The following HIVEP3 variants were observed in gnomAD, a reference collection of about 807,000 sequenced individuals.
HIVEP3 encodes the protein transcription factor HIVEP3.
In HIVEP3, 49 loss-of-function variants were observed where a neutral mutation model predicts 152.8. The ratio of observed to expected loss-of-function variants is 0.32; its 90% CI spans 0.26 to 0.41. The LOEUF is 0.41. Ranked by LOEUF, HIVEP3 falls within the 10% of genes least tolerant of loss-of-function variation. The probability of loss-of-function intolerance (pLI) is 1.00; values close to 1 mark genes in which losing one functional copy is unlikely to be tolerated. For missense variants in HIVEP3, 2,790 were observed against 3,103.3 expected, an observed-to-expected ratio of 0.90 and a Z score of 2.40; for synonymous variants, 1,269 against 1,289.0, an observed-to-expected ratio of 0.98 and a Z score of 0.33.
rs562258289 is a variant in HIVEP3 at position 41,789,079 on chromosome 1, C to T, written c.-800-88084G>A. Among the ~76,000 whole-genome samples, 8 of 152,328 alleles carry T rather than the reference C, an allele frequency of 5.3e-5. No individual in the cohort carries two copies. The South Asian group carries it at 8.3e-4, about 16-fold the overall frequency. ...TGCTCCTCACAGCAGCTGCAGGCAC[C>T]CTCCTTGGACACCGCTGTCTTCCCT... On this transcript the variant is annotated intron_variant, in intron 1 of 8. Transcript: ENST00000372583.
intron 1 of HIVEP3, among the ~76,000 whole-genome samples, chr1:41,706,435 C>T (rs374022251): frequency 1.3e-5 from 2 of 152,186 alleles, no homozygotes; most frequent in African/African-American, 2.4e-5. Context: ...GTGTGCACCA[C>T]CACACCTCGC....
intron 7 of HIVEP3, among the ~76,000 whole-genome samples, chr1:41,517,908 A>G (rs1407109949): frequency 6.6e-6 from 1 of 152,192 alleles, no homozygotes; most frequent in Non-Finnish European, 1.5e-5. Flanking sequence ...CAAAAGGCCC[A>G]TGTGTCAGGC....
At chr1:41,655,565 A>C (rs926347644) in intron 2 of HIVEP3, among the ~76,000 whole-genome samples, 1 of 137,132 alleles carries the variant, frequency 7.3e-6, no homozygotes, top group Non-Finnish European at 1.5e-5. Flanking sequence ...CCTGAGTGAC[A>C]GAGTGACACT....
chr1:41,658,986 G>C (rs989913121), intron 2 of HIVEP3, among the ~76,000 whole-genome samples: 8 of 152,124 alleles, frequency 5.3e-5, no homozygotes, highest in Admixed American at 2.0e-4. Context: ...AGATCTAGAG[G>C]GCAGCCCCGC....
intron 1 of HIVEP3, among the ~76,000 whole-genome samples, chr1:41,938,677 A>G (rs1645031722): frequency 6.6e-6 from 1 of 152,238 alleles, no homozygotes; most frequent in Non-Finnish European, 1.5e-5. Flanking sequence ...CAAATGATGA[A>G]GCCTGCAGTT....
At chr1:42,009,026 C>G (rs1047056243) in intron 1 of HIVEP3, among the ~76,000 whole-genome samples, 3 of 152,146 alleles carry the variant, frequency 2.0e-5, no homozygotes, top group African/African-American at 7.2e-5. Flanking sequence ...AGCCTGAGCA[C>G]AAAGCCAACA....
intron 1 of HIVEP3, among the ~76,000 whole-genome samples, chr1:41,769,886 T>C (rs1648238390): frequency 6.6e-6 from 1 of 152,204 alleles, no homozygotes; most frequent in South Asian, 2.1e-4. Flanking sequence ...TTGAGGAAAG[T>C]AGAAAAATCA....
chr1:41,551,486 G>T (rs147795245), intron 5 of HIVEP3, among the ~76,000 whole-genome samples: 1,618 of 152,150 alleles, frequency 0.011, 23 homozygotes, highest in African/African-American at 0.034. Context: ...TGGTAGAATT[G>T]GGCTGTGAAT....
chr1:41,957,247 C>T (rs1025061267), intron 1 of HIVEP3, among the ~76,000 whole-genome samples: 2 of 152,086 alleles, frequency 1.3e-5, no homozygotes, highest in African/African-American at 2.4e-5. Context: ...AATCTTTATA[C>T]AAATAAAACT....
chr1:41,876,239 C>T (rs1378965042), intron 1 of HIVEP3, among the ~76,000 whole-genome samples: 1 of 151,826 alleles, frequency 6.6e-6, no homozygotes, highest in Non-Finnish European at 1.5e-5. Context: ...TATGATATCC[C>T]AGATTAAGCA....
chr1:41,614,883 G>A (rs1200903554), intron 3 of HIVEP3, among the ~76,000 whole-genome samples: 1 of 152,210 alleles, frequency 6.6e-6, no homozygotes, highest in Non-Finnish European at 1.5e-5. Context: ...ACTAAGATCT[G>A]AAGGAAATTT....
chr1:41,768,763 G>T (rs1648167739), intron 1 of HIVEP3, among the ~76,000 whole-genome samples: 1 of 152,236 alleles, frequency 6.6e-6, no homozygotes. Context: ...CAGAGAGGAA[G>T]CTGAGGGTTT....
intron 5 of HIVEP3, among the ~76,000 whole-genome samples, chr1:41,537,319 G>T (rs1391384917): frequency 6.6e-6 from 1 of 152,154 alleles, no homozygotes; most frequent in Non-Finnish European, 1.5e-5. Flanking sequence ...TTATGATCTG[G>T]TTGCCAAATA....
intron 1 of HIVEP3, among the ~76,000 whole-genome samples, chr1:42,000,400 T>G (rs1383945221): frequency 6.6e-6 from 1 of 152,236 alleles, no homozygotes; most frequent in Non-Finnish European, 1.5e-5. Flanking sequence ...ATACTACAGC[T>G]GGCCCACTGC....
At chr1:41,611,140 G>T (rs948915767) in intron 3 of HIVEP3, among the ~76,000 whole-genome samples, 1 of 152,192 alleles carries the variant, frequency 6.6e-6, no homozygotes, top group Admixed American at 6.5e-5. Context: ...CTAAACAAAG[G>T]TCACGGGTTG....
At chr1:41,948,134 G>A (rs1645085021) in intron 1 of HIVEP3, among the ~76,000 whole-genome samples, 1 of 152,194 alleles carries the variant, frequency 6.6e-6, no homozygotes. Context: ...ACCTCAACTT[G>A]TATACTGATG....
At chr1:41,929,178 A>G (rs905909945) in intron 1 of HIVEP3, among the ~76,000 whole-genome samples, 8 of 151,988 alleles carry the variant, frequency 5.3e-5, no homozygotes, top group African/African-American at 1.5e-4. Context: ...ACTTCTCTCT[A>G]TTTATTCACT....
intron 1 of HIVEP3, among the ~76,000 whole-genome samples, chr1:41,855,464 C>T (rs1208012389): frequency 6.6e-6 from 1 of 151,946 alleles, no homozygotes; most frequent in African/African-American, 2.4e-5. Context: ...TGACAAAGGG[C>T]TAATATCCAG....
chr1:41,792,304 C>A (rs1420305427), intron 1 of HIVEP3, among the ~76,000 whole-genome samples: 1 of 152,190 alleles, frequency 6.6e-6, no homozygotes, highest in Admixed American at 6.5e-5. Flanking sequence ...AGGATGGGGG[C>A]TCCTGCAGGG....
Sources: allele counts gnomAD v4.1 joint callset (sites outside exome capture counted in the v4.1 genomes callset), GRCh38; gene constraint gnomAD v4.1.1; transcripts MANE v1.5; gene names NCBI Gene and HGNC (gene_info 2026-07-23, HGNC 2026-07-21).